MGAT4C: variants seen among roughly 807,000 people sequenced by gnomAD.
MGAT4C encodes the protein MGAT4 family member C.
Under a neutral mutation model 40.1 loss-of-function variants are expected in MGAT4C, and 19 were observed. That is an observed-to-expected ratio of 0.47 (90% CI 0.33 to 0.70). The LOEUF is 0.70. Ranked by LOEUF, MGAT4C falls within the 30% of genes least tolerant of loss-of-function variation. The pLI is 0.02. For synonymous variants in MGAT4C, 181 were observed against 187.1 expected (o/e 0.97, Z 0.27); for missense variants, 491 against 563.2 (o/e 0.87, Z 1.30).
chr12:86,013,455 C>G (rs767116048), intron 2 of MGAT4C, among the ~76,000 whole-genome samples: 33 of 152,032 alleles, frequency 2.2e-4, no homozygotes, highest in Non-Finnish European at 3.2e-4. Context: ...TCCTTTCACT[C>G]TATACTTCCC....
chr12:86,502,267 A>T (rs1404423946), intron 2 of MGAT4C, among the ~76,000 whole-genome samples: 1 of 152,042 alleles, frequency 6.6e-6, no homozygotes, highest in East Asian at 1.9e-4. Context: ...ATATTATATG[A>T]TCCCAACTCT....
At position 86,575,092 on chromosome 12, in the gene MGAT4C, A is replaced by G. The variant is rs529578163; in HGVS notation, c.-228-139827T>C. Among the ~76,000 whole-genome samples the G allele has an allele frequency of 4.6e-5, 7 of 151,686 alleles. No homozygotes were observed. The South Asian group carries it at 1.5e-3, about 31-fold the overall frequency. ...GTACACACTATAAACATAAACACAA[A>G]TAATCTCTCTAGACTCATCTCTTCT... On this transcript the variant is annotated intron_variant, in intron 2 of 7. Coordinates refer to the MGAT4C transcript ENST00000548651.
At chr12:86,318,261 G>A (rs998357818) in intron 4 of MGAT4C, among the ~76,000 whole-genome samples, 5 of 152,250 alleles carry the variant, frequency 3.3e-5, no homozygotes, top group Non-Finnish European at 5.9e-5. Flanking sequence ...GAAAGAACTA[G>A]ATGAATGTTA....
chr12:86,699,814 A>C (rs1005128436), intron 2 of MGAT4C, among the ~76,000 whole-genome samples: 1 of 152,126 alleles, frequency 6.6e-6, no homozygotes, highest in African/African-American at 2.4e-5. Flanking sequence ...GGATCACCAT[A>C]AAGGTATTCA....
intron 3 of MGAT4C, among the ~76,000 whole-genome samples, chr12:86,390,118 T>G (rs1247566012): frequency 6.6e-6 from 1 of 152,258 alleles, no homozygotes; most frequent in East Asian, 1.9e-4. Context: ...ACAAGCCCGG[T>G]TGACCCACAG....
intron 1 of MGAT4C, among the ~76,000 whole-genome samples, chr12:86,800,589 A>C (rs898057334): frequency 2.6e-5 from 4 of 151,902 alleles, no homozygotes; most frequent in African/African-American, 9.7e-5. Context: ...CAGAGGGAGT[A>C]AACCAGAGGA....
At chr12:86,295,682 G>A (rs898463002) in intron 4 of MGAT4C, among the ~76,000 whole-genome samples, 1 of 152,100 alleles carries the variant, frequency 6.6e-6, no homozygotes, top group East Asian at 1.9e-4. Flanking sequence ...GGCCTGTTTT[G>A]TCAGGGTGCT....
rs968209926 is a variant in MGAT4C at position 85,965,835 on chromosome 12, T to C, written c.*13454A>G. 6.6e-6 allele frequency: 1 copy of C among 152,036 alleles called. No individual in the cohort carries two copies. The highest frequency in any genetic ancestry group is 1.5e-5 in the Non-Finnish European group (1 of 68,014). 9.4% of individuals were successfully genotyped at this position (152,036 alleles called of 1,614,324 possible). ...GTACAGAACTCAAATTATTACATCA[T>C]TTTTTTACTTATCTGTATTATTTCT... On this transcript the variant is annotated 3_prime_UTR_variant, in exon 5 of 5. Coordinates refer to ENST00000611864, the MANE Select transcript of MGAT4C (RefSeq NM_001351288.2).
At chr12:86,299,337 T>C (rs557964053) in intron 4 of MGAT4C, among the ~76,000 whole-genome samples, 2 of 152,170 alleles carry the variant, frequency 1.3e-5, no homozygotes, top group Non-Finnish European at 2.9e-5. Flanking sequence ...CAGGATGGTC[T>C]CCATCTACTG....
chr12:86,707,619 C>T lies in MGAT4C; in HGVS notation c.-229+19590G>A, dbSNP rs144923704. On this transcript the variant is annotated intron_variant, in intron 2 of 7. Transcript: ENST00000548651. ...AATCACAGCTCACTGCAACCTCCGC[C>T]TCCCAGATTCAAGTGATTCTCCTGC... 3.3e-3 allele frequency among the ~76,000 whole-genome samples: 495 copies of T among 151,910 alleles called. 3 individuals are homozygous for T. The highest frequency in any genetic ancestry group is 0.011 in the African/African-American group (474 of 41,412).
chr12:86,195,096 TC>T (rs1314101611), intron 1 of MGAT4C, among the ~76,000 whole-genome samples: 21 of 152,202 alleles, frequency 1.4e-4, no homozygotes, highest in African/African-American at 4.6e-4. Context: ...TAAACATCAA[TC>T]CTTATTTTCA....
At chr12:86,442,882 C>T (rs1193283934) in intron 2 of MGAT4C, among the ~76,000 whole-genome samples, 1 of 152,068 alleles carries the variant, frequency 6.6e-6, no homozygotes, top group Non-Finnish European at 1.5e-5. Context: ...GATCAGTCAG[C>T]AGCCATCAAC....
intron 1 of MGAT4C, among the ~76,000 whole-genome samples, chr12:86,122,670 G>T (rs528542762): frequency 6.6e-6 from 1 of 152,002 alleles, no homozygotes; most frequent in African/African-American, 2.4e-5. Flanking sequence ...ATTAAGCTTC[G>T]AATTAATCTG....
intron 1 of MGAT4C, among the ~76,000 whole-genome samples, chr12:86,785,646 G>C (rs1001178773): frequency 2.0e-5 from 3 of 151,586 alleles, no homozygotes; most frequent in African/African-American, 7.3e-5. Context: ...CTATGATAAA[G>C]TTAACTAAAA....
chr12:86,651,074 G>A (rs2136534947), intron 2 of MGAT4C, among the ~76,000 whole-genome samples: 1 of 151,972 alleles, frequency 6.6e-6, no homozygotes, highest in South Asian at 2.1e-4. Context: ...AGGTGCATTA[G>A]CTATAATTTA....
At chr12:86,532,369 C>T (rs1469227772) in intron 2 of MGAT4C, among the ~76,000 whole-genome samples, 1 of 151,890 alleles carries the variant, frequency 6.6e-6, no homozygotes. Context: ...CAGTGTAAAT[C>T]TTCCAGAATA....
intron 2 of MGAT4C, among the ~76,000 whole-genome samples, chr12:86,485,757 C>T (rs1958009286): frequency 6.6e-6 from 1 of 151,984 alleles, no homozygotes; most frequent in South Asian, 2.1e-4. Flanking sequence ...AAGACAACAA[C>T]CTCCAAGACA....
chr12:86,426,391 A>C (rs1165488482), intron 3 of MGAT4C, among the ~76,000 whole-genome samples: 3 of 152,246 alleles, frequency 2.0e-5, no homozygotes, highest in Non-Finnish European at 1.5e-5. Context: ...GTGATCATTT[A>C]TAAGTCACAA....
At chr12:86,029,175 A>C (rs1326406774) in intron 2 of MGAT4C, among the ~76,000 whole-genome samples, 1 of 151,884 alleles carries the variant, frequency 6.6e-6, no homozygotes, top group Non-Finnish European at 1.5e-5. Context: ...GGCTCTGTGT[A>C]AGAAGTTTAC....
Sources: gnomAD v4.1 joint callset for allele counts (sites outside exome capture counted in the v4.1 genomes callset) on GRCh38, gnomAD v4.1.1 for gene constraint, MANE v1.5 for transcripts, NCBI Gene and HGNC (gene_info 2026-07-23, HGNC 2026-07-21) for gene names.